The following CLIC4 variants were observed in gnomAD, a reference collection of about 807,000 sequenced individuals.
The protein encoded by CLIC4 is chloride intracellular channel protein 4.
A neutral mutation model predicts 24.6 loss-of-function variants in CLIC4; 13 were observed. The ratio of observed to expected loss-of-function variants is 0.53; its 90% CI spans 0.34 to 0.84. CLIC4 has a LOEUF of 0.84. Ranked by LOEUF, CLIC4 falls within the 40% of genes least tolerant of loss-of-function variation. The pLI is 0.01. For missense variants in CLIC4, 227 were observed against 301.7 expected, an observed-to-expected ratio of 0.75 and a Z score of 1.83; for synonymous variants, 104 against 111.3, an observed-to-expected ratio of 0.93 and a Z score of 0.41.
intron 1 of CLIC4, among the ~76,000 whole-genome samples, chr1:24,779,546 T>C (rs1639179515): frequency 6.6e-6 from 1 of 152,164 alleles, no homozygotes; most frequent in Admixed American, 6.6e-5. Context: ...TTAATTTTGG[T>C]TTATAGCCCT....
At chr1:24,752,502 G>A (rs1293820093) in intron 1 of CLIC4, among the ~76,000 whole-genome samples, 4 of 152,172 alleles carry the variant, frequency 2.6e-5, no homozygotes, top group Non-Finnish European at 4.4e-5. Flanking sequence ...TCTGTTGCCA[G>A]TGGGGGGTGG....
intron 1 of CLIC4, among the ~76,000 whole-genome samples, chr1:24,792,985 A>T (rs1438036353): frequency 6.6e-6 from 1 of 152,110 alleles, no homozygotes; most frequent in Non-Finnish European, 1.5e-5. Flanking sequence ...TTTTAGTTTA[A>T]CGTGTTTCTA....
At chr1:24,746,274 T>A (rs1638696919) in intron 1 of CLIC4, among the ~76,000 whole-genome samples, 2 of 152,074 alleles carry the variant, frequency 1.3e-5, no homozygotes, top group Non-Finnish European at 2.9e-5. Flanking sequence ...AAGCGCGGAG[T>A]GTTCTGTATG....
intron 1 of CLIC4, among the ~76,000 whole-genome samples, chr1:24,777,199 T>C (rs1639151495): frequency 6.6e-6 from 1 of 152,212 alleles, no homozygotes; most frequent in African/African-American, 2.4e-5. Context: ...CTATTGTAAT[T>C]TGTTGTGGCT....
chr1:24,813,992 C>T (rs1476805057), intron 2 of CLIC4, 102 bp from the exon 3 acceptor site: 3 of 1,399,596 alleles, frequency 2.1e-6, no homozygotes, highest in Admixed American at 1.7e-5. Flanking sequence ...GCTACGACTA[C>T]AGACGCAAGC....
At chr1:24,773,481 T>G (rs1639096386) in intron 1 of CLIC4, among the ~76,000 whole-genome samples, 1 of 152,174 alleles carries the variant, frequency 6.6e-6, no homozygotes. Flanking sequence ...CCAACATAGT[T>G]GTCTTTAGTT....
chr1:24,771,776 A>G (rs1639073697), intron 1 of CLIC4: 1 of 475,002 alleles, frequency 2.1e-6, no homozygotes, highest in Non-Finnish European at 4.2e-6. Context: ...CTCACTATAT[A>G]GCTATTGGTC....
chr1:24,751,812 CGAGA>C, intron 1 of CLIC4, among the ~76,000 whole-genome samples: 1 of 152,112 alleles, frequency 6.6e-6, no homozygotes, highest in Non-Finnish European at 1.5e-5. Flanking sequence ...TGCAGTGAGC[CGAGA>C]TTGTGCCATT....
chr1:24,838,758 T>A (rs976158453), intron 4 of CLIC4, among the ~76,000 whole-genome samples: 4 of 152,116 alleles, frequency 2.6e-5, no homozygotes, highest in Non-Finnish European at 5.9e-5. Context: ...TTTAATGACA[T>A]TCCTACCCCC....
rs1639958687 is a variant in CLIC4 at position 24,843,073 on chromosome 1, A to T, written c.*2136A>T. The T allele has an allele frequency of 6.6e-6, 1 of 152,174 alleles. No homozygotes were observed. The allele number at this position is 152,174 out of a possible 1,614,324, so 9.4% of individuals were successfully genotyped here. On this transcript the variant is annotated 3_prime_UTR_variant, in exon 6 of 6. Transcript: ENST00000374379. ...AAACTCAAATATTTTCATTTTGGAT[A>T]TTCTCCTGTTTTTATTAAACCAGTG...
At chr1:24,790,233 G>C (rs1365091264) in intron 1 of CLIC4, among the ~76,000 whole-genome samples, 3 of 152,032 alleles carry the variant, frequency 2.0e-5, no homozygotes. Context: ...CACCACACTC[G>C]GCTGATTTTT....
intron 1 of CLIC4, among the ~76,000 whole-genome samples, chr1:24,794,317 G>T (rs1557804335): frequency 6.7e-6 from 1 of 149,808 alleles, no homozygotes; most frequent in Non-Finnish European, 1.5e-5. Flanking sequence ...GCAGCGTATA[G>T]TGTTCCCTTT....
rs1294867285 is a variant in CLIC4, at chr1:24,840,021, C to G, written c.577C>G (p.Pro193Ala). The G allele has an allele frequency of 1.9e-6, 3 of 1,613,970 alleles. No homozygotes were observed. The highest frequency in any genetic ancestry group is 1.7e-6 in the Non-Finnish European group (2 of 1,179,928). The change falls in exon 5 of 6, where the codon CCC (proline) becomes GCC (alanine). Residue 193 changes from proline (P) to alanine (A), a missense_variant. Coordinates refer to ENST00000374379, the MANE Select transcript of CLIC4 (RefSeq NM_013943.3). ...GACATTAGCTGATTGCAACCTGCTG[C>G]CCAAACTGCATATTGTCAAGGTAGG... ...EMTLADCNLL[P>A]KLHIVKVVAK...
At chr1:24,822,886 C>T (rs1436567919) in intron 3 of CLIC4, among the ~76,000 whole-genome samples, 3 of 152,136 alleles carry the variant, frequency 2.0e-5, no homozygotes, top group Non-Finnish European at 4.4e-5. Flanking sequence ...TTCCTTCCCT[C>T]TATTGTGCTA....
intron 1 of CLIC4, among the ~76,000 whole-genome samples, chr1:24,757,505 T>G (rs1638866753): frequency 6.6e-6 from 1 of 152,030 alleles, no homozygotes; most frequent in Non-Finnish European, 1.5e-5. Context: ...TTTGGGAGGC[T>G]GGGGCAGGAG....
At chr1:24,795,425 G>A (rs192589342) in intron 1 of CLIC4, among the ~76,000 whole-genome samples, 2 of 152,206 alleles carry the variant, frequency 1.3e-5, no homozygotes, top group Non-Finnish European at 2.9e-5. Flanking sequence ...GGGAGGCTGA[G>A]GCGGGAGTAT....
chr1:24,767,024 T>TAAAAAAAAA (rs34142565), intron 1 of CLIC4, among the ~76,000 whole-genome samples: 3 of 71,116 alleles, frequency 4.2e-5, no homozygotes, highest in African/African-American at 2.1e-4. Flanking sequence ...GCTGATGAGC[T>TAAAAAAAAA]AAAAAAAAAA....
chr1:24,780,415 A>C (rs1030088100), intron 1 of CLIC4, among the ~76,000 whole-genome samples: 14 of 152,208 alleles, frequency 9.2e-5, no homozygotes, highest in African/African-American at 2.7e-4. Context: ...CTTTGCATAA[A>C]ATTCAAACAC....
intron 3 of CLIC4, among the ~76,000 whole-genome samples, chr1:24,820,757 C>T (rs1471589479): frequency 6.6e-6 from 1 of 152,134 alleles, no homozygotes; most frequent in African/African-American, 2.4e-5. Context: ...AAAGTATTGT[C>T]TGAAGTGCTT....
Sources: allele counts gnomAD v4.1 joint callset (sites outside exome capture counted in the v4.1 genomes callset), GRCh38; gene constraint gnomAD v4.1.1; transcripts MANE v1.5; gene names NCBI Gene and HGNC (gene_info 2026-07-23, HGNC 2026-07-21).